Variants in PAX5 observed in about 807,000 individuals in gnomAD.
The protein encoded by PAX5 is paired box 5.
Under a neutral mutation model 43.7 loss-of-function variants are expected in PAX5, and 9 were observed. The observed-to-expected ratio is 0.21, with a 90% CI of 0.12 to 0.36. PAX5 has a LOEUF of 0.36. Among genes scored for constraint, PAX5 ranks in the 10% least tolerant of loss-of-function variants. The pLI is 1.00. For missense variants in PAX5, 383 were observed against 532.7 expected, an observed-to-expected ratio of 0.72 and a Z score of 2.77; for synonymous variants, 228 against 214.3, an observed-to-expected ratio of 1.06 and a Z score of -0.56.
At chr9:37,003,789 A>T (rs1404798406) in intron 4 of PAX5, among the ~76,000 whole-genome samples, 5 of 152,232 alleles carry the variant, frequency 3.3e-5, no homozygotes, top group African/African-American at 7.2e-5. Flanking sequence ...GTGAGCTATG[A>T]TTGTGCCACT....
In PAX5 at chr9:36,835,413, G is replaced by C. The variant is rs1821573307; in HGVS notation, c.*5147C>G. On this transcript the variant is annotated 3_prime_UTR_variant, in exon 10 of 10. Coordinates refer to ENST00000358127, the MANE Select transcript of PAX5 (RefSeq NM_016734.3). ...TCATCAGGGGAGCAGGCAGGCAAGGGGCTCACAGCCTGGCCTCTGCAGAGG... is the reference window on the plus strand; with the variant it reads ...TCATCAGGGGAGCAGGCAGGCAAGGCGCTCACAGCCTGGCCTCTGCAGAGG... 1 of 232,732 alleles carries C rather than the reference G, an allele frequency of 4.3e-6. No homozygotes were observed. The highest frequency in any genetic ancestry group is 8.5e-6 in the Non-Finnish European group (1 of 117,798). 14.4% of individuals were successfully genotyped at this position (232,732 alleles called of 1,614,324 possible).
At chr9:36,847,465 C>T (rs762827114) in intron 8 of PAX5, among the ~76,000 whole-genome samples, 12 of 152,182 alleles carry the variant, frequency 7.9e-5, no homozygotes, top group Admixed American at 3.9e-4. Flanking sequence ...GCAGGGGTGG[C>T]TGTCCCTGGG....
intron 6 of PAX5, among the ~76,000 whole-genome samples, chr9:36,960,593 G>A (rs560248456): frequency 3.5e-4 from 53 of 152,304 alleles, no homozygotes; most frequent in African/African-American, 1.2e-3. Context: ...GGAACAGGAC[G>A]AGAGGCAAGA....
At chr9:36,876,194 A>C (rs6476592) in intron 8 of PAX5, among the ~76,000 whole-genome samples, 136,841 of 152,284 alleles carry the variant, frequency 0.9, 61,614 homozygotes, top group East Asian at 0.96. Flanking sequence ...CCGGCCCACA[A>C]GGCTGCGCCC....
chr9:37,009,057 A>G (rs1838710745), intron 3 of PAX5, among the ~76,000 whole-genome samples: 1 of 152,260 alleles, frequency 6.6e-6, no homozygotes, highest in African/African-American at 2.4e-5. Context: ...AAGTCACTGT[A>G]GTTCAGCTTA....
Position 36,837,243 on chromosome 9 carries a change from G to A in PAX5, c.*3317C>T, listed in dbSNP as rs1821707108. 1 of 233,182 alleles carries A rather than the reference G, an allele frequency of 4.3e-6. No homozygotes were observed. 14.4% of individuals were successfully genotyped at this position (233,182 alleles called of 1,614,324 possible). ...TGTCAATTTCCCCGTCTATAAAGTA[G>A]GCATCATGCTCTTTGCTCCACAGAG... On this transcript the variant is annotated 3_prime_UTR_variant, in exon 10 of 10. Coordinates refer to ENST00000358127, the MANE Select transcript of PAX5 (RefSeq NM_016734.3).
chr9:37,003,653 C>T, intron 4 of PAX5, among the ~76,000 whole-genome samples: 1 of 152,004 alleles, frequency 6.6e-6, no homozygotes, highest in East Asian at 1.9e-4. Context: ...GCCTGGCCAA[C>T]ATAGCAAGAC....
intron 5 of PAX5, among the ~76,000 whole-genome samples, chr9:36,969,198 A>G (rs1265062276): frequency 6.6e-6 from 1 of 152,118 alleles, no homozygotes; most frequent in Non-Finnish European, 1.5e-5. Flanking sequence ...GCCATCTCCT[A>G]ACAACTCCCG....
chr9:36,924,598 T>C (rs575116294), intron 6 of PAX5, among the ~76,000 whole-genome samples: 1 of 151,424 alleles, frequency 6.6e-6, no homozygotes, highest in East Asian at 2.0e-4. Flanking sequence ...CTTTCACCTG[T>C]AGTCCCAGCT....
intron 5 of PAX5, among the ~76,000 whole-genome samples, chr9:36,991,738 T>C (rs1836961158): frequency 6.6e-6 from 1 of 152,204 alleles, no homozygotes; most frequent in Admixed American, 6.5e-5. Flanking sequence ...GCAACTAAGC[T>C]GTCCTGGGTC....
chr9:36,933,549 C>T lies in PAX5; in HGVS notation c.781-10065G>A, dbSNP rs1588014501. On this transcript the variant is annotated intron_variant, in intron 6 of 9. Coordinates refer to ENST00000358127, the MANE Select transcript of PAX5 (RefSeq NM_016734.3). Reference sequence around the variant, plus strand: ...CCTGCTGCCCACCCCGTGTGCAGCACTGGTCCCCTACCTGGAAGCAGAGTT... The same window carrying T: ...CCTGCTGCCCACCCCGTGTGCAGCATTGGTCCCCTACCTGGAAGCAGAGTT... Among the ~76,000 whole-genome samples, 6 of 152,316 alleles carry T rather than the reference C, an allele frequency of 3.9e-5. No homozygotes were observed. In the South Asian group the frequency reaches 1.2e-3, roughly 32 times the overall value.
intron 6 of PAX5, among the ~76,000 whole-genome samples, chr9:36,940,719 T>C (rs773846841): frequency 6.6e-6 from 1 of 151,802 alleles, no homozygotes; most frequent in Non-Finnish European, 1.5e-5. Context: ...CGAATTTGAG[T>C]CTGGAGAGGC....
chr9:36,911,580 G>T (rs1455556730), intron 7 of PAX5, among the ~76,000 whole-genome samples: 1 of 152,198 alleles, frequency 6.6e-6, no homozygotes, highest in African/African-American at 2.4e-5. Context: ...ATTTTTTACA[G>T]CGCCTTTTGG....
intron 8 of PAX5, among the ~76,000 whole-genome samples, chr9:36,865,546 G>T (rs1463450209): frequency 1.3e-5 from 2 of 152,198 alleles, no homozygotes; most frequent in African/African-American, 2.4e-5. Flanking sequence ...AGGAGGGAAG[G>T]CAGCGGGAGA....
At chr9:36,910,466 G>T (rs1419042824) in intron 7 of PAX5, among the ~76,000 whole-genome samples, 2 of 152,166 alleles carry the variant, frequency 1.3e-5, no homozygotes, top group Non-Finnish European at 2.9e-5. Flanking sequence ...ATGGACATTG[G>T]GGTGTATCTC....
intron 5 of PAX5, among the ~76,000 whole-genome samples, chr9:36,996,130 C>T (rs540953056): frequency 4.6e-5 from 7 of 152,334 alleles, no homozygotes; most frequent in Non-Finnish European, 7.3e-5. Flanking sequence ...TGGTGGTGGG[C>T]GAACCAGCCA....
intron 6 of PAX5, among the ~76,000 whole-genome samples, chr9:36,934,570 T>C (rs1287241717): frequency 6.6e-6 from 1 of 152,196 alleles, no homozygotes; most frequent in Non-Finnish European, 1.5e-5. Flanking sequence ...AAAAGTTTAA[T>C]TGAATGATGC....
chr9:36,897,816 C>G (rs191075792), intron 7 of PAX5, among the ~76,000 whole-genome samples: 1 of 152,248 alleles, frequency 6.6e-6, no homozygotes, highest in Non-Finnish European at 1.5e-5. Context: ...AATTACAACA[C>G]TTTCTTTTGT....
chr9:36,989,283 T>A (rs1836726958), intron 5 of PAX5, among the ~76,000 whole-genome samples: 3 of 152,242 alleles, frequency 2.0e-5, no homozygotes, highest in African/African-American at 7.2e-5. Flanking sequence ...CACAGCCTCA[T>A]ACGGATGTCA....
Sources: gnomAD v4.1 joint callset for allele counts (sites outside exome capture counted in the v4.1 genomes callset) on GRCh38, gnomAD v4.1.1 for gene constraint, MANE v1.5 for transcripts, NCBI Gene and HGNC (gene_info 2026-07-23, HGNC 2026-07-21) for gene names.